The following AKAP12 variants were observed in gnomAD, a reference collection of about 807,000 sequenced individuals.
The protein encoded by AKAP12 is A-kinase anchor protein 12.
Under a neutral mutation model 79.9 loss-of-function variants are expected in AKAP12, and 32 were observed. The observed-to-expected ratio is 0.40, with a 90% CI of 0.30 to 0.54. AKAP12 has a LOEUF of 0.54. AKAP12 is among the 20% of genes least tolerant of loss of function. The pLI is 0.48. For missense variants in AKAP12, 2,074 were observed against 2,177.0 expected (o/e 0.95, Z 0.94); for synonymous variants, 808 against 857.0 (o/e 0.94, Z 1.00).
intron 2 of AKAP12, among the ~76,000 whole-genome samples, chr6:151,285,341 T>A (rs1776480198): frequency 6.6e-6 from 1 of 151,856 alleles, no homozygotes; most frequent in Non-Finnish European, 1.5e-5. Context: ...TATTGAACTA[T>A]TTTTTCCTTG....
intron 3 of AKAP12, among the ~76,000 whole-genome samples, chr6:151,318,879 G>A (rs539068211): frequency 6.7e-4 from 102 of 152,234 alleles, no homozygotes; most frequent in African/African-American, 2.3e-3. Context: ...GGAGGTTGAG[G>A]TTACAATGAA....
chr6:151,289,761 G>A (rs754244580), intron 2 of AKAP12, among the ~76,000 whole-genome samples: 3 of 152,248 alleles, frequency 2.0e-5, no homozygotes, highest in Non-Finnish European at 4.4e-5. Flanking sequence ...CAGGGATTTT[G>A]AATAGAGACA....
chr6:151,269,858 C>T (rs762719473), intron 2 of AKAP12, among the ~76,000 whole-genome samples: 3 of 152,168 alleles, frequency 2.0e-5, no homozygotes, highest in Non-Finnish European at 4.4e-5. Flanking sequence ...ACCCCATACC[C>T]AGTAGCCGTC....
chr6:151,280,468 T>C (rs749855602), intron 2 of AKAP12: 1 of 152,106 alleles, frequency 6.6e-6, no homozygotes, highest in Non-Finnish European at 1.5e-5. Context: ...TTTCAAAATA[T>C]GCTTAATGCA....
chr6:151,312,991 T>C (rs12664268), intron 3 of AKAP12, among the ~76,000 whole-genome samples: 5,758 of 152,200 alleles, frequency 0.038, 135 homozygotes, highest in South Asian at 0.081. Context: ...CAGTTGGAGT[T>C]CACAGTATTA....
chr6:151,338,580 T>G (rs1453931153), intron 3 of AKAP12, among the ~76,000 whole-genome samples: 2 of 151,966 alleles, frequency 1.3e-5, no homozygotes, highest in Non-Finnish European at 2.9e-5. Context: ...CTCAGCTTCC[T>G]GAGTAGCTGG....
intron 3 of AKAP12, among the ~76,000 whole-genome samples, chr6:151,345,778 T>G (rs1582897304): frequency 1.4e-5 from 2 of 139,660 alleles, no homozygotes; most frequent in African/African-American, 5.6e-5. Flanking sequence ...GGTGACAGAG[T>G]GAGACTCTGT....
At chr6:151,261,831 C>T (rs1296660248) in intron 2 of AKAP12, among the ~76,000 whole-genome samples, 1 of 151,282 alleles carries the variant, frequency 6.6e-6, no homozygotes, top group Non-Finnish European at 1.5e-5. Context: ...GAGCTCGGCT[C>T]ACTGCAACCT....
At chr6:151,348,680 T>TCACC in intron 3 of AKAP12, 31 bp from the exon 4 acceptor site, 22 of 355,196 alleles carry the variant, frequency 6.2e-5, no homozygotes, top group South Asian at 1.5e-4. Context: ...TTTTCTCTTC[T>TCACC]CCCCACCCCC....
chr6:151,259,438 A>G (rs1368634031), intron 2 of AKAP12, among the ~76,000 whole-genome samples: 1 of 149,446 alleles, frequency 6.7e-6, no homozygotes, highest in East Asian at 2.0e-4. Flanking sequence ...GTGTGTGTAT[A>G]TATGTGTATA....
At chr6:151,261,204 A>G (rs1253309610) in intron 2 of AKAP12, among the ~76,000 whole-genome samples, 4 of 151,806 alleles carry the variant, frequency 2.6e-5, no homozygotes, top group Non-Finnish European at 5.9e-5. Context: ...CCTGGTTAAC[A>G]TGGCGAAACC....
chr6:151,282,706 A>T (rs758423348), intron 2 of AKAP12, among the ~76,000 whole-genome samples: 52 of 152,056 alleles, frequency 3.4e-4, no homozygotes, highest in Non-Finnish European at 6.6e-4. Flanking sequence ...GCTCACAGGG[A>T]TTCTTTGAAG....
At chr6:151,245,527 C>A (rs1797053278) in intron 2 of AKAP12, among the ~76,000 whole-genome samples, 2 of 151,814 alleles carry the variant, frequency 1.3e-5, no homozygotes, top group Admixed American at 1.3e-4. Context: ...AAACTCCTGA[C>A]CTCGTGATCC....
At position 151,344,067 on chromosome 6, in the gene AKAP12, T is replaced by G. The variant is rs1174740424; in HGVS notation, c.320-4644T>G. 3 of 339,308 alleles carry G rather than the reference T, an allele frequency of 8.8e-6. No individual in the cohort carries two copies. In the East Asian group the frequency reaches 2.6e-4, roughly 30 times the overall value. The allele number at this position is 339,308 out of a possible 1,614,324, so 21.0% of individuals were successfully genotyped here. A position where few individuals can be genotyped will look rare whatever the true frequency, so the allele number is the denominator to read the frequency against. On this transcript the variant is annotated intron_variant, in intron 3 of 4. Coordinates refer to ENST00000402676, the MANE Select transcript of AKAP12 (RefSeq NM_005100.4). ...TGTTTAATTTTTCCTTATTGTTTGT[T>G]AAGTCTAATGTTGGTCACAAATGTG... is the stretch of plus-strand genomic sequence containing the variant.
At chr6:151,325,937 C>A (rs756633631) in intron 3 of AKAP12, 1 of 1,613,784 alleles carries the variant, frequency 6.2e-7, no homozygotes, top group African/African-American at 1.3e-5. Flanking sequence ...AGGCACGGGG[C>A]ACGAAAAGGG....
Position 151,349,957 on chromosome 6 carries a change from CACTGGCTTAAAAAAGCTTTCTGGAAAGAA to C in AKAP12, c.1569_1597del (p.Gly524GlufsTer38). Reference sequence around the variant, plus strand: ...GTCCACTAAAGAAGCTTTTTACCAGCACTGGCTTAAAAAAGCTTTCTGGAAAGAAACAGAAAGGGAAAAGAGGAGGAGGA... The same window carrying C: ...GTCCACTAAAGAAGCTTTTTACCAGCACAGAAAGGGAAAAGAGGAGGAGGA... On this transcript the variant is annotated frameshift_variant, in exon 4 of 5. Coordinates refer to ENST00000402676, the MANE Select transcript of AKAP12 (RefSeq NM_005100.4). LOFTEE classifies it high-confidence loss of function. 1 of 1,614,100 alleles carries C rather than the reference CACTGGCTTAAAAAAGCTTTCTGGAAAGAA, an allele frequency of 6.2e-7. No individual in the cohort carries two copies. The highest frequency in any genetic ancestry group is 8.5e-7 in the Non-Finnish European group (1 of 1,180,020).
At chr6:151,326,066 G>A (rs888235106) in intron 3 of AKAP12, among the ~76,000 whole-genome samples, 16 of 152,050 alleles carry the variant, frequency 1.1e-4, no homozygotes, top group African/African-American at 3.9e-4. Flanking sequence ...TTCTCCCTTG[G>A]GCTCAGCAAG....
At chr6:151,269,554 A>G (rs1037457596) in intron 2 of AKAP12, among the ~76,000 whole-genome samples, 1 of 148,690 alleles carries the variant, frequency 6.7e-6, no homozygotes, top group South Asian at 2.1e-4. Flanking sequence ...TTGTAGTTCC[A>G]TTGTAGTTCT....
At position 151,350,116 on chromosome 6, in the gene AKAP12, G is replaced by A. The variant is rs896041837; in HGVS notation, c.1725G>A (p.Glu575=). Residue 575 remains glutamate (E), a synonymous_variant, in exon 4 of 5, where the codon GAG becomes GAA. Transcript: ENST00000402676. This position sits in a 1 kb window ranked among gnomAD's most constrained non-coding sequence, Gnocchi z 4.8. ...CCTCATCCCCTGAGGAGCCCGAGGAGATCACGTGTCTGGAAAAGGGCTTAG... is the reference window on the plus strand; with the variant it reads ...CCTCATCCCCTGAGGAGCCCGAGGAAATCACGTGTCTGGAAAAGGGCTTAG... ...SSASSPEEPE[E]ITCLEKGLAE... 6.2e-7 allele frequency: 1 copy of A among 1,614,048 alleles called. No homozygotes were observed. Among genetic ancestry groups the A allele is most frequent in the Non-Finnish European group, 8.5e-7 (1 of 1,180,012 alleles).
Sources: allele counts gnomAD v4.1 joint callset (sites outside exome capture counted in the v4.1 genomes callset), GRCh38; gene constraint gnomAD v4.1.1; non-coding constraint Gnocchi (gnomAD v3.1); transcripts MANE v1.5; gene names NCBI Gene and HGNC (gene_info 2026-07-23, HGNC 2026-07-21).